Variants in SNTG1 observed in about 807,000 individuals in gnomAD.
SNTG1 encodes the protein syntrophin gamma 1, also known as gamma-1-syntrophin.
A neutral mutation model predicts 74.7 loss-of-function variants in SNTG1; 39 were observed. The observed-to-expected ratio is 0.52, with a 90% CI of 0.40 to 0.68. The LOEUF (loss-of-function observed/expected upper bound fraction) is 0.68, where lower values mean the gene tolerates loss of function less well. Ranked by LOEUF, SNTG1 falls within the 30% of genes least tolerant of loss-of-function variation. The pLI is 0.00. For synonymous variants in SNTG1, 254 were observed against 217.1 expected, an observed-to-expected ratio of 1.17 and a Z score of -1.49; for missense variants, 685 against 609.5, an observed-to-expected ratio of 1.12 and a Z score of -1.30.
chr8:50,703,131 A>G (rs1045000131), intron 15 of SNTG1, among the ~76,000 whole-genome samples: 3 of 152,194 alleles, frequency 2.0e-5, no homozygotes, highest in African/African-American at 4.8e-5. Context: ...TTTCTGCAAT[A>G]ATAAACTAAG....
At chr8:50,659,617 G>A in intron 15 of SNTG1, among the ~76,000 whole-genome samples, 1 of 152,176 alleles carries the variant, frequency 6.6e-6, no homozygotes, top group East Asian at 1.9e-4. Flanking sequence ...GAAGTTCTCT[G>A]AAGTGCAAAA....
chr8:50,284,294 AT>A (rs1362287859), intron 2 of SNTG1, among the ~76,000 whole-genome samples: 1 of 150,324 alleles, frequency 6.7e-6, no homozygotes, highest in Non-Finnish European at 1.5e-5. Flanking sequence ...GAGATTATAG[AT>A]TTTTCTTATG....
At chr8:50,451,173 GAAC>G (rs2080245681) in intron 8 of SNTG1, among the ~76,000 whole-genome samples, 1 of 151,754 alleles carries the variant, frequency 6.6e-6, no homozygotes, top group African/African-American at 2.4e-5. Flanking sequence ...ATGTGGGGAA[GAAC>G]AATAAGAAAT....
intron 17 of SNTG1, among the ~76,000 whole-genome samples, chr8:50,721,181 T>A (rs1244642981): frequency 6.6e-6 from 1 of 152,214 alleles, no homozygotes; most frequent in Non-Finnish European, 1.5e-5. Context: ...TTGATGTCAT[T>A]TGAAAGTGAA....
At chr8:50,722,152 A>G (rs990069125) in intron 17 of SNTG1, among the ~76,000 whole-genome samples, 5 of 151,594 alleles carry the variant, frequency 3.3e-5, no homozygotes, top group African/African-American at 7.3e-5. Context: ...ACATATGTGT[A>G]TATATATATA....
Position 50,701,874 on chromosome 8 carries a change from G to A in SNTG1, c.1039-2726G>A, listed in dbSNP as rs189084242. On this transcript the variant is annotated intron_variant, in intron 15 of 18. Coordinates refer to ENST00000642720, the MANE Select transcript of SNTG1 (RefSeq NM_018967.5). ...TCTTCTTCTTCCTCTTTTTGAGATGGAGTTTCCCTCTGGTTGCCCACGCTG... is the reference window on the plus strand; with the variant it reads ...TCTTCTTCTTCCTCTTTTTGAGATGAAGTTTCCCTCTGGTTGCCCACGCTG... Among the ~76,000 whole-genome samples, 310 of 141,320 alleles carry A rather than the reference G, an allele frequency of 2.2e-3. 2 individuals carry two copies. Among genetic ancestry groups the A allele is most frequent in the African/African-American group, 7.9e-3 (293 of 37,122 alleles). The allele number at this position is 141,320 out of a possible 152,430, so 92.7% of individuals were successfully genotyped here. A position where few individuals can be genotyped will look rare whatever the true frequency, so the allele number is the denominator to read the frequency against.
chr8:50,471,646 A>C (rs951855140), intron 8 of SNTG1, among the ~76,000 whole-genome samples: 12 of 152,238 alleles, frequency 7.9e-5, no homozygotes, highest in African/African-American at 2.9e-4. Flanking sequence ...ACATGTCCAC[A>C]CCAAAACATA....
At chr8:50,721,554 T>C (rs925027291) in intron 17 of SNTG1, among the ~76,000 whole-genome samples, 6 of 152,222 alleles carry the variant, frequency 3.9e-5, no homozygotes, top group Non-Finnish European at 8.8e-5. Context: ...AAGTCTTTCC[T>C]CTATTTTAAG....
intron 1 of SNTG1, among the ~76,000 whole-genome samples, chr8:49,957,992 A>G (rs937520819): frequency 6.6e-6 from 1 of 152,178 alleles, no homozygotes; most frequent in African/African-American, 2.4e-5. Flanking sequence ...GGATCATGAG[A>G]TTAGAGTCTA....
chr8:50,050,046 C>G (rs563020830), intron 1 of SNTG1, among the ~76,000 whole-genome samples: 1 of 149,884 alleles, frequency 6.7e-6, no homozygotes, highest in African/African-American at 2.5e-5. Flanking sequence ...CCTTAGGAAA[C>G]GAGAAAAATA....
chr8:50,553,309 G>T, intron 12 of SNTG1, 130 bp downstream of exon 12: 1 of 1,209,394 alleles, frequency 8.3e-7, no homozygotes, highest in Non-Finnish European at 1.1e-6. Flanking sequence ...AGCTATTCTG[G>T]AATACTTATT....
At chr8:50,736,920 G>C (rs949919046) in intron 17 of SNTG1, among the ~76,000 whole-genome samples, 2 of 152,096 alleles carry the variant, frequency 1.3e-5, no homozygotes, top group African/African-American at 4.8e-5. Context: ...GCAGTGTTTA[G>C]AGGGAAATTT....
intron 1 of SNTG1, among the ~76,000 whole-genome samples, chr8:49,950,760 T>G (rs1383629475): frequency 6.6e-6 from 1 of 152,182 alleles, no homozygotes; most frequent in African/African-American, 2.4e-5. Flanking sequence ...TGGCTTTGAT[T>G]TGGCATGCAA....
intron 1 of SNTG1, among the ~76,000 whole-genome samples, chr8:49,990,091 A>T (rs1260689716): frequency 1.3e-5 from 2 of 151,978 alleles, no homozygotes; most frequent in African/African-American, 4.8e-5. Context: ...TAGAAGTTCT[A>T]GCAAGGGTAA....
At chr8:50,339,743 T>G (rs1212331383) in intron 2 of SNTG1, among the ~76,000 whole-genome samples, 1 of 151,586 alleles carries the variant, frequency 6.6e-6, no homozygotes, top group African/African-American at 2.4e-5. Context: ...AAGAAACAAA[T>G]AAAAAGGGCA....
intron 15 of SNTG1, among the ~76,000 whole-genome samples, chr8:50,690,734 T>G (rs1158973845): frequency 3.3e-5 from 5 of 152,122 alleles, no homozygotes; most frequent in Admixed American, 6.6e-5. Context: ...GTTGATTTGG[T>G]GTGGCAAGTT....
intron 13 of SNTG1, among the ~76,000 whole-genome samples, chr8:50,604,438 G>GA (rs1482620904): frequency 6.6e-6 from 1 of 151,630 alleles, no homozygotes; most frequent in Admixed American, 6.6e-5. Flanking sequence ...AAAAAAAAAA[G>GA]AAAACCTTAG....
At chr8:50,449,526 A>T in intron 5 of SNTG1, 142 bp from the exon 6 acceptor site, 1 of 513,898 alleles carries the variant, frequency 1.9e-6, no homozygotes, top group Non-Finnish European at 3.2e-6. Flanking sequence ...AGCACTATCT[A>T]CTTAGAGGAG....
intron 1 of SNTG1, among the ~76,000 whole-genome samples, chr8:49,943,713 C>T (rs1471435013): frequency 6.6e-6 from 1 of 152,214 alleles, no homozygotes; most frequent in African/African-American, 2.4e-5. Context: ...TATTTCTGTA[C>T]TTCTAGTACT....
Sources: allele counts gnomAD v4.1 joint callset (sites outside exome capture counted in the v4.1 genomes callset), GRCh38; gene constraint gnomAD v4.1.1; transcripts MANE v1.5; gene names NCBI Gene and HGNC (gene_info 2026-07-23, HGNC 2026-07-21).